The following THOC7 variants were observed in gnomAD, a reference collection of about 807,000 sequenced individuals.
THOC7 encodes the protein THO complex subunit 7, also known as NIF3L1-binding protein 1.
In THOC7, 22 loss-of-function variants were observed where a neutral mutation model predicts 33.1. The ratio of observed to expected loss-of-function variants is 0.66; its 90% confidence interval spans 0.47 to 0.95. The LOEUF is 0.95. THOC7 is among the 40% of genes least tolerant of loss of function. The probability of loss-of-function intolerance (pLI) is 0.00; values close to 1 mark genes in which losing one functional copy is unlikely to be tolerated. For synonymous variants in THOC7, 77 were observed against 76.8 expected, an observed-to-expected ratio of 1.00 and a Z score of -0.01; for missense variants, 184 against 245.3, an observed-to-expected ratio of 0.75 and a Z score of 1.67.
intron 1 of THOC7, chr3:63,854,796 CAGG>C (rs1319612028): frequency 6.6e-6 from 1 of 152,056 alleles, no homozygotes; most frequent in African/African-American, 2.4e-5. Context: ...ATCACGAGGT[CAGG>C]AGATCGAGAC....
At chr3:63,858,288 C>G (rs1702148638) in intron 1 of THOC7, among the ~76,000 whole-genome samples, 1 of 152,150 alleles carries the variant, frequency 6.6e-6, no homozygotes, top group Non-Finnish European at 1.5e-5. Context: ...TATTATCTTC[C>G]TTTCACAGAT....
rs116763193 is a variant in THOC7, at chr3:63,859,215, G to C, written c.19+4557C>G. Reference sequence around the variant, plus strand: ...CCCTGTTTCCATTCTTGCCTTCCTAGAATCCATTTTTTATGCAACTCAGAA... The same window carrying C: ...CCCTGTTTCCATTCTTGCCTTCCTACAATCCATTTTTTATGCAACTCAGAA... On this transcript the variant is annotated intron_variant, in intron 1 of 7. Coordinates refer to ENST00000295899, the MANE Select transcript of THOC7 (RefSeq NM_025075.4). 8.9e-3 allele frequency among the ~76,000 whole-genome samples: 1,356 copies of C among 152,214 alleles called. 20 individuals carry two copies. The highest frequency in any genetic ancestry group is 0.029 in the African/African-American group (1,195 of 41,524).
At chr3:63,854,142 G>C (rs1702068502) in intron 1 of THOC7, among the ~76,000 whole-genome samples, 1 of 152,192 alleles carries the variant, frequency 6.6e-6, no homozygotes, top group Non-Finnish European at 1.5e-5. Context: ...AGAAAACTCT[G>C]TGGACAAGAA....
At chr3:63,839,815 AC>A (rs1482012851) in intron 1 of THOC7, 42 bp from the exon 2 acceptor site, 1 of 1,513,364 alleles carries the variant, frequency 6.6e-7, no homozygotes, top group Non-Finnish European at 9.2e-7. Context: ...GCTCTTGGTA[AC>A]TTTCAAGTAC....
intron 1 of THOC7, among the ~76,000 whole-genome samples, chr3:63,855,410 A>G (rs1415116826): frequency 6.6e-6 from 1 of 152,212 alleles, no homozygotes; most frequent in Non-Finnish European, 1.5e-5. Context: ...AAGACACCAA[A>G]TAAGCCTCAA....
chr3:63,848,830 C>G (rs1701961379), intron 1 of THOC7, among the ~76,000 whole-genome samples: 2 of 151,998 alleles, frequency 1.3e-5, no homozygotes, highest in African/African-American at 4.8e-5. Context: ...AAGGAAACTT[C>G]TTTTTTTAAA....
intron 1 of THOC7, 40 bp from the exon 2 acceptor site, chr3:63,839,813 T>C (rs1701720936): frequency 6.4e-7 from 1 of 1,557,112 alleles, no homozygotes; most frequent in Non-Finnish European, 8.8e-7. Flanking sequence ...TGGCTCTTGG[T>C]AACTTTCAAG....
At chr3:63,855,766 G>C (rs1212872614) in intron 1 of THOC7, among the ~76,000 whole-genome samples, 4 of 152,188 alleles carry the variant, frequency 2.6e-5, no homozygotes, top group Admixed American at 6.5e-5. Context: ...TTGAGGGAAG[G>C]CTGCAATCTC....
At chr3:63,841,089 G>A (rs763049173) in intron 1 of THOC7, among the ~76,000 whole-genome samples, 1 of 152,186 alleles carries the variant, frequency 6.6e-6, no homozygotes, top group African/African-American at 2.4e-5. Flanking sequence ...TGAGCCAAAA[G>A]AATAGTGCAG....
chr3:63,859,119 C>T (rs969828351), intron 1 of THOC7, among the ~76,000 whole-genome samples: 6 of 152,362 alleles, frequency 3.9e-5, no homozygotes, highest in Non-Finnish European at 8.8e-5. Context: ...GCATCCACTT[C>T]TATCTTCCAC....
intron 1 of THOC7, among the ~76,000 whole-genome samples, chr3:63,854,026 T>A (rs952368419): frequency 6.6e-6 from 1 of 152,208 alleles, no homozygotes; most frequent in African/African-American, 2.4e-5. Flanking sequence ...TTTATGCATA[T>A]CAAGTTTTGC....
chr3:63,863,678 A>AG (rs888973605), intron 1 of THOC7, 94 bp downstream of exon 1: 2 of 1,235,724 alleles, frequency 1.6e-6, no homozygotes, highest in African/African-American at 3.1e-5. Context: ...GGGGAGGCCG[A>AG]GGGGTTCCCG....
intron 1 of THOC7, among the ~76,000 whole-genome samples, chr3:63,848,087 TGAA>T (rs1400668206): frequency 6.6e-6 from 1 of 152,132 alleles, no homozygotes; most frequent in African/African-American, 2.4e-5. Flanking sequence ...TGAAATAAAT[TGAA>T]GTATTTTACT....
intron 1 of THOC7, among the ~76,000 whole-genome samples, chr3:63,845,929 A>G (rs1480442127): frequency 6.6e-6 from 1 of 152,200 alleles, no homozygotes; most frequent in Non-Finnish European, 1.5e-5. Context: ...CCACATGAAA[A>G]AGACTATTCA....
chr3:63,845,158 G>A (rs932360091), intron 1 of THOC7: 3 of 597,288 alleles, frequency 5.0e-6, no homozygotes, highest in Admixed American at 2.8e-5. Context: ...GTCCCCCTCA[G>A]ATCTGAGCTC....
chr3:63,852,923 G>C (rs1702044817), intron 1 of THOC7, among the ~76,000 whole-genome samples: 1 of 152,088 alleles, frequency 6.6e-6, no homozygotes, highest in Non-Finnish European at 1.5e-5. Flanking sequence ...GCCCAAGGTG[G>C]GCAGATCACT....
At chr3:63,860,613 C>G (rs1344991298) in intron 1 of THOC7, 1 of 152,152 alleles carries the variant, frequency 6.6e-6, no homozygotes, top group Non-Finnish European at 1.5e-5. Flanking sequence ...CTCAGAATGG[C>G]CTACTGGAGA....
At chr3:63,844,266 T>C (rs549581911) in intron 1 of THOC7, among the ~76,000 whole-genome samples, 3 of 152,284 alleles carry the variant, frequency 2.0e-5, no homozygotes, top group African/African-American at 7.2e-5. Flanking sequence ...GCAAGAGCAA[T>C]AAATTTCAAG....
At chr3:63,838,678 T>C (rs1423965632) in intron 2 of THOC7, among the ~76,000 whole-genome samples, 179 bp from the exon 3 acceptor site, 1 of 152,244 alleles carries the variant, frequency 6.6e-6, no homozygotes, top group Non-Finnish European at 1.5e-5. Flanking sequence ...GTAGTATTCT[T>C]GAATTTAACT....
Sources: allele counts gnomAD v4.1 joint callset (sites outside exome capture counted in the v4.1 genomes callset), GRCh38; gene constraint gnomAD v4.1.1; transcripts MANE v1.5; gene names NCBI Gene and HGNC (gene_info 2026-07-23, HGNC 2026-07-21).